AIRIM: variants seen among roughly 807,000 people sequenced by gnomAD.
AIRIM encodes AFG2-interacting ribosome maturation factor.
chr1:37,683,543 TC>T, the AIRIM span: 52 of 1,334,478 alleles, frequency 3.9e-5, no homozygotes, highest in Admixed American at 4.6e-5. Context: ...AGTGCAGATA[TC>T]CTTACATTTT....
the AIRIM span, chr1:37,690,027 T>A: frequency 2.8e-6 from 4 of 1,411,482 alleles, no homozygotes; most frequent in Non-Finnish European, 3.7e-6. Flanking sequence ...TTTTTTTTTG[T>A]TTTTTTTTCG....
chr1:37,683,659 C>A, the AIRIM span: 1 of 471,908 alleles, frequency 2.1e-6, no homozygotes, highest in South Asian at 2.9e-5. Context: ...TCCCTGAAAT[C>A]TGGGATCTCA....
the AIRIM span, among the ~76,000 whole-genome samples, chr1:37,691,769 C>T: frequency 1.3e-5 from 2 of 152,242 alleles, no homozygotes; most frequent in Non-Finnish European, 2.9e-5. Context: ...GGCCAGCTGC[C>T]AAGCGCCACT....
At chr1:37,683,218 A>C in the AIRIM span, 1 of 1,605,086 alleles carries the variant, frequency 6.2e-7, no homozygotes, top group Non-Finnish European at 8.5e-7. Context: ...CATAAAACAC[A>C]CAGAGGCACA....
the AIRIM span, among the ~76,000 whole-genome samples, chr1:37,688,732 C>T: frequency 1.3e-5 from 2 of 152,118 alleles, no homozygotes; most frequent in East Asian, 1.9e-4. Flanking sequence ...GCCACACATG[C>T]CCTGTCTCCC....
chr1:37,689,829 A>C, the AIRIM span: 2 of 1,603,446 alleles, frequency 1.2e-6, no homozygotes, highest in South Asian at 2.2e-5. Context: ...ACCACGGGGA[A>C]GCACTTCTTC....
chr1:37,690,565 G>T, the AIRIM span: 1 of 1,019,464 alleles, frequency 9.8e-7, no homozygotes, highest in Non-Finnish European at 1.3e-6. Flanking sequence ...CTACTCCGCG[G>T]GCCTGCCTGG....
At chr1:37,689,663 A>C in the AIRIM span, 18 of 1,613,882 alleles carry the variant, frequency 1.1e-5, no homozygotes, top group Non-Finnish European at 1.5e-5. Flanking sequence ...CTTACGCCTC[A>C]GCCGCTCTTT....
At chr1:37,690,467 A>T in the AIRIM span, 1 of 1,258,274 alleles carries the variant, frequency 7.9e-7, no homozygotes, top group Non-Finnish European at 1.0e-6. Flanking sequence ...TTAAAAGTCC[A>T]GACAGCCAAA....
At chr1:37,689,459 T>C in the AIRIM span, 1 of 939,516 alleles carries the variant, frequency 1.1e-6, no homozygotes, top group Non-Finnish European at 1.5e-6. Context: ...GAGGTCCCAC[T>C]GCCCCAGATG....
At chr1:37,686,855 G>A in the AIRIM span, among the ~76,000 whole-genome samples, 1 of 152,030 alleles carries the variant, frequency 6.6e-6, no homozygotes. Context: ...ATCACCTGAG[G>A]TCAGGAGTTT....
the AIRIM span, chr1:37,689,469 G>GGT: frequency 0.25 from 262,318 of 1,046,192 alleles, 35,491 homozygotes; most frequent in African/African-American, 0.39. Context: ...TGCCCCAGAT[G>GGT]AAGTAAGGAA....
At chr1:37,685,206 G>T in the AIRIM span, among the ~76,000 whole-genome samples, 30 of 95,598 alleles carry the variant, frequency 3.1e-4, no homozygotes, top group African/African-American at 1.1e-3. Flanking sequence ...GGGGGGGGGT[G>T]GGCGGGGGGT....
chr1:37,690,208 T>C, the AIRIM span: 4 of 1,208,836 alleles, frequency 3.3e-6, no homozygotes, highest in African/African-American at 3.1e-5. Flanking sequence ...GTAGACGGGG[T>C]TCCTGACCTC....
chr1:37,683,186 G>A, the AIRIM span: 1 of 1,604,472 alleles, frequency 6.2e-7, no homozygotes, highest in South Asian at 1.1e-5. Context: ...AGAAAAAATG[G>A]CATTATCACC....
chr1:37,687,480 A>G, the AIRIM span, among the ~76,000 whole-genome samples: 1 of 150,330 alleles, frequency 6.7e-6, no homozygotes. Context: ...AAACAGGTGC[A>G]GTGGCATGCC....
chr1:37,686,870 C>G, the AIRIM span, among the ~76,000 whole-genome samples: 1 of 152,014 alleles, frequency 6.6e-6, no homozygotes, highest in Admixed American at 6.6e-5. Flanking sequence ...GAGTTTGAGA[C>G]CAGCCAATGT....
At chr1:37,691,519 C>A in the AIRIM span, 1 of 153,718 alleles carries the variant, frequency 6.5e-6, no homozygotes. Context: ...TCAGCCTGAG[C>A]TACAGCTTCG....
At chr1:37,689,475 A>C in the AIRIM span, 1 of 1,111,734 alleles carries the variant, frequency 9.0e-7, no homozygotes, top group Non-Finnish European at 1.3e-6. Flanking sequence ...AGATGAAGTA[A>C]GGAAGGTTGA....
Sources: allele counts gnomAD v4.1 joint callset (sites outside exome capture counted in the v4.1 genomes callset), GRCh38; gene constraint gnomAD v4.1.1; transcripts MANE v1.5; gene names NCBI Gene and HGNC (gene_info 2026-07-23, HGNC 2026-07-21).